The following VGLL4 variants were observed in gnomAD, a reference collection of about 807,000 sequenced individuals.
VGLL4 encodes the protein vestigial like family member 4.
In VGLL4, 7 loss-of-function variants were observed where a neutral mutation model predicts 21.0. The ratio of observed to expected loss-of-function variants is 0.33; its 90% CI spans 0.19 to 0.63. The LOEUF (loss-of-function observed/expected upper bound fraction) is 0.63, where lower values mean the gene tolerates loss of function less well. Among genes scored for constraint, VGLL4 ranks in the 20% least tolerant of loss-of-function variants. VGLL4 has a pLI of 0.78. For synonymous variants in VGLL4, 222 were observed against 173.2 expected (o/e 1.28, Z -2.21); for missense variants, 394 against 425.7 (o/e 0.93, Z 0.66).
chr3:11,693,746 C>A (rs375025090), intron 2 of VGLL4, among the ~76,000 whole-genome samples: 2 of 152,130 alleles, frequency 1.3e-5, no homozygotes, highest in African/African-American at 2.4e-5. Context: ...GGACTGTCCC[C>A]GAGCACACGC....
chr3:11,693,591 T>C (rs1379999609), intron 2 of VGLL4, among the ~76,000 whole-genome samples: 1 of 152,168 alleles, frequency 6.6e-6, no homozygotes, highest in Non-Finnish European at 1.5e-5. Flanking sequence ...AAGCAGCCCT[T>C]TTCCCCTGAA....
At chr3:11,577,111 CCTGGGGAAA>C (rs552503481) in intron 2 of VGLL4, among the ~76,000 whole-genome samples, 109 of 152,308 alleles carry the variant, frequency 7.2e-4, no homozygotes, top group Non-Finnish European at 1.2e-3. Flanking sequence ...CCCTGGGGCT[CCTGGGGAAA>C]CCCAAGGAGA....
chr3:11,599,080 C>T (rs780977910), intron 2 of VGLL4, among the ~76,000 whole-genome samples: 2 of 152,120 alleles, frequency 1.3e-5, no homozygotes, highest in Admixed American at 6.5e-5. Context: ...CCCTACAACA[C>T]GAAGAAGTAA....
rs902145629 is a variant in VGLL4, at chr3:11,556,468, G to T, written c.*2088C>A. 1 of 152,658 alleles carries T rather than the reference G, an allele frequency of 6.6e-6. No individual in the cohort carries two copies. Among genetic ancestry groups the T allele is most frequent in the Non-Finnish European group, 1.5e-5 (1 of 68,018 alleles). 9.5% of individuals were successfully genotyped at this position (152,658 alleles called of 1,614,324 possible). ...TCCCAGGAGTGTCCTCCACCGAGCC[G>T]GTCAGCTGTGGGTGGTTTTCCTGTT... On this transcript the variant is annotated 3_prime_UTR_variant, in exon 5 of 5. Transcript: ENST00000430365.
intron 1 of VGLL4, among the ~76,000 whole-genome samples, chr3:11,714,510 G>T (rs1459590382): frequency 6.6e-6 from 1 of 150,704 alleles, no homozygotes; most frequent in African/African-American, 2.4e-5. Flanking sequence ...GGCCTACATG[G>T]TGAAATCCCA....
exon 1 of VGLL4, chr3:11,720,536 T>TCGCACACG (rs906004416): frequency 6.6e-6 from 1 of 151,736 alleles, no homozygotes; most frequent in Admixed American, 6.6e-5. Flanking sequence ...CACTTCACAC[T>TCGCACACG]CGCACACGCG....
chr3:11,678,186 C>G lies in VGLL4; in HGVS notation c.64+24785G>C, dbSNP rs143961645. 2.0e-3 allele frequency among the ~76,000 whole-genome samples: 304 copies of G among 152,268 alleles called. 2 individuals are homozygous for G. Among genetic ancestry groups the G allele is most frequent in the African/African-American group, 7.2e-3 (299 of 41,566 alleles). On this transcript the variant is annotated intron_variant, in intron 2 of 5. Transcript: ENST00000273038. Reference sequence around the variant, plus strand: ...TCTGGTGCCTCAGCCTCCCAAGTAGCTGGGACTACAGGCGTGCGCCACCAC... The same window carrying G: ...TCTGGTGCCTCAGCCTCCCAAGTAGGTGGGACTACAGGCGTGCGCCACCAC...
upstream of VGLL4, among the ~76,000 whole-genome samples, chr3:11,644,278 G>A (rs1168710717): frequency 6.6e-6 from 1 of 152,058 alleles, no homozygotes; most frequent in Non-Finnish European, 1.5e-5. Context: ...TGCTAGTGAT[G>A]CATAAGCCAT....
At chr3:11,587,030 T>C (rs931977590) in intron 2 of VGLL4, among the ~76,000 whole-genome samples, 34 of 152,214 alleles carry the variant, frequency 2.2e-4, no homozygotes, top group Non-Finnish European at 3.5e-4. Context: ...AGTCGAGAAA[T>C]AATAGCAGGG....
At chr3:11,716,994 C>T (rs192518668) in intron 1 of VGLL4, among the ~76,000 whole-genome samples, 5 of 152,212 alleles carry the variant, frequency 3.3e-5, no homozygotes, top group African/African-American at 1.2e-4. Context: ...CTTTCTCTTT[C>T]ACCAGGTTCT....
At chr3:11,644,620 C>T (rs933570670), upstream of VGLL4, among the ~76,000 whole-genome samples, 13 of 151,956 alleles carry the variant, frequency 8.6e-5, no homozygotes, top group South Asian at 2.3e-3. Context: ...TCGAAGCAGG[C>T]GGATCACTTG....
chr3:11,661,816 TCC>T (rs1219175856), intron 2 of VGLL4, among the ~76,000 whole-genome samples: 6 of 152,018 alleles, frequency 3.9e-5, no homozygotes, highest in Non-Finnish European at 8.8e-5. Context: ...AGGCATAGCC[TCC>T]CTGAAACAGG....
intron 1 of VGLL4, among the ~76,000 whole-genome samples, chr3:11,715,579 C>T (rs1340126311): frequency 6.6e-6 from 1 of 152,148 alleles, no homozygotes; most frequent in Non-Finnish European, 1.5e-5. Flanking sequence ...GGTGATCCAC[C>T]TGCCTCGGCC....
intron 1 of VGLL4, chr3:11,604,230 T>A (rs2074876343): frequency 3.0e-6 from 1 of 333,752 alleles, no homozygotes; most frequent in African/African-American, 2.4e-5. Flanking sequence ...TACTTCAGCA[T>A]CTCAGCTTGC....
chr3:11,697,379 T>A (rs944912137), intron 2 of VGLL4, among the ~76,000 whole-genome samples: 29 of 152,074 alleles, frequency 1.9e-4, no homozygotes, highest in Non-Finnish European at 1.5e-4. Context: ...AGTGCTGGCA[T>A]TACAGGCATG....
At chr3:11,645,742 C>T (rs138583972), upstream of VGLL4, among the ~76,000 whole-genome samples, 427 of 151,910 alleles carry the variant, frequency 2.8e-3, no homozygotes, top group African/African-American at 9.9e-3. Context: ...GAGACTGAGA[C>T]GGGCGGATCA....
intron 2 of VGLL4, among the ~76,000 whole-genome samples, chr3:11,668,216 A>AAAT (rs1237198348): frequency 6.6e-6 from 1 of 152,130 alleles, no homozygotes; most frequent in Non-Finnish European, 1.5e-5. Context: ...ATAAATAAAT[A>AAAT]AATAAAGAGC....
In VGLL4 at chr3:11,574,783, A is replaced by ATGTGTGTG. The variant is rs768970246; in HGVS notation, c.273-9765_273-9764insCACACACA. On this transcript the variant is annotated intron_variant, in intron 2 of 4. Transcript: ENST00000430365. ...GTACAATTACTGTCAATTCAACTATATATGTGTGTGTGTGTGTGTGTGTGT... is the reference window on the plus strand; with the variant it reads ...GTACAATTACTGTCAATTCAACTATATGTGTGTGTATGTGTGTGTGTGTGTGTGTGTGT... Among the ~76,000 whole-genome samples the ATGTGTGTG allele has an allele frequency of 6.7e-3, 749 of 111,618 alleles. 9 individuals carry two copies. Among genetic ancestry groups the ATGTGTGTG allele is most frequent in the South Asian group, 0.014 (42 of 2,972 alleles). 73.2% of individuals were successfully genotyped at this position (111,618 alleles called of 152,430 possible). A position where few individuals can be genotyped will look rare whatever the true frequency, so the allele number is the denominator to read the frequency against.
intron 1 of VGLL4, among the ~76,000 whole-genome samples, chr3:11,614,083 C>A (rs2075113569): frequency 6.6e-6 from 1 of 152,246 alleles, no homozygotes; most frequent in Non-Finnish European, 1.5e-5. Flanking sequence ...CAGAGCGATA[C>A]CCGGCACGGT....
Sources: allele counts gnomAD v4.1 joint callset (sites outside exome capture counted in the v4.1 genomes callset), GRCh38; gene constraint gnomAD v4.1.1; transcripts MANE v1.5; gene names NCBI Gene and HGNC (gene_info 2026-07-23, HGNC 2026-07-21).